Variants in NCOA1 observed in about 807,000 individuals in gnomAD.
The protein encoded by NCOA1 is Hin-2 protein.
A neutral mutation model predicts 150.9 loss-of-function variants in NCOA1; 35 were observed. That is an observed-to-expected ratio of 0.23 (90% CI 0.18 to 0.31). The LOEUF is 0.31. Among genes scored for constraint, NCOA1 ranks in the 10% least tolerant of loss-of-function variants. The pLI, the probability that NCOA1 is intolerant of heterozygous loss-of-function variation, is 1.00. For missense variants in NCOA1, 1,491 were observed against 1,749.3 expected (o/e 0.85, Z 2.63); for synonymous variants, 590 against 630.0 (o/e 0.94, Z 0.95).
intron 3 of NCOA1, among the ~76,000 whole-genome samples, chr2:24,591,316 G>C (rs1372982409): frequency 6.6e-6 from 1 of 152,134 alleles, no homozygotes; most frequent in Non-Finnish European, 1.5e-5. Flanking sequence ...TATGGTTGTA[G>C]TTAAGAAAAA....
At chr2:24,535,656 A>C (rs1190602319) in intron 1 of NCOA1, among the ~76,000 whole-genome samples, 1 of 152,128 alleles carries the variant, frequency 6.6e-6, no homozygotes, top group Non-Finnish European at 1.5e-5. Flanking sequence ...TGGTGACAGA[A>C]TCTCTCAGCA....
intron 11 of NCOA1, among the ~76,000 whole-genome samples, chr2:24,703,839 C>T (rs1175103456): frequency 6.6e-6 from 1 of 152,024 alleles, no homozygotes; most frequent in African/African-American, 2.4e-5. Context: ...GTAATCAAAG[C>T]CCCTTTGAAA....
chr2:24,716,645 G>C (rs1226464467), intron 14 of NCOA1, among the ~76,000 whole-genome samples: 1 of 152,036 alleles, frequency 6.6e-6, no homozygotes, highest in African/African-American at 2.4e-5. Context: ...ATTTTTGATA[G>C]GACACAAAAA....
At chr2:24,494,769 T>C (rs1463793396) in intron 1 of NCOA1, among the ~76,000 whole-genome samples, 1 of 152,168 alleles carries the variant, frequency 6.6e-6, no homozygotes, top group African/African-American at 2.4e-5. Context: ...TGATCTGGGC[T>C]GCAGAACCGT....
At chr2:24,605,489 A>G (rs1668325064) in intron 3 of NCOA1, among the ~76,000 whole-genome samples, 1 of 152,078 alleles carries the variant, frequency 6.6e-6, no homozygotes, top group Non-Finnish European at 1.5e-5. Flanking sequence ...AGTTTGTTCT[A>G]TTGTTGATTG....
chr2:24,532,070 C>A (rs1466537482), intron 1 of NCOA1, among the ~76,000 whole-genome samples: 1 of 152,196 alleles, frequency 6.6e-6, no homozygotes, highest in Non-Finnish European at 1.5e-5. Context: ...TACACTCCCA[C>A]CAACAGTGTA....
chr2:24,678,985 A>C (rs1190328459), intron 7 of NCOA1, among the ~76,000 whole-genome samples: 1 of 152,082 alleles, frequency 6.6e-6, no homozygotes, highest in Non-Finnish European at 1.5e-5. Context: ...TATTGCCTAG[A>C]TATTCTTCTA....
At chr2:24,640,973 C>G (rs1328346127) in intron 3 of NCOA1, among the ~76,000 whole-genome samples, 1 of 151,818 alleles carries the variant, frequency 6.6e-6, no homozygotes. Context: ...CCATTTGCTC[C>G]TTGTTCTTCT....
intron 18 of NCOA1, 99 bp from the exon 19 acceptor site, chr2:24,741,685 C>T (rs2148662738): frequency 5.3e-6 from 7 of 1,324,788 alleles, no homozygotes; most frequent in Non-Finnish European, 7.1e-6. Flanking sequence ...TTGCTATGTA[C>T]TTTATTGCCC....
intron 6 of NCOA1, among the ~76,000 whole-genome samples, chr2:24,668,967 A>G (rs1485548374): frequency 1.3e-5 from 2 of 152,224 alleles, no homozygotes; most frequent in African/African-American, 2.4e-5. Flanking sequence ...GCTCCCTTAT[A>G]AAGTATATTT....
intron 1 of NCOA1, among the ~76,000 whole-genome samples, chr2:24,516,483 T>G (rs1558757878): frequency 6.6e-6 from 1 of 151,146 alleles, no homozygotes; most frequent in Non-Finnish European, 1.5e-5. Context: ...TGAGCCACCG[T>G]GCCCGGCCCG....
At chr2:24,629,571 G>A (rs1669594976) in intron 3 of NCOA1, among the ~76,000 whole-genome samples, 1 of 146,844 alleles carries the variant, frequency 6.8e-6, no homozygotes, top group Admixed American at 6.8e-5. Flanking sequence ...AACAAAAAAA[G>A]GTACCTAAAA....
chr2:24,678,599 T>C (rs1206190962), intron 7 of NCOA1, among the ~76,000 whole-genome samples: 1 of 152,226 alleles, frequency 6.6e-6, no homozygotes, highest in Non-Finnish European at 1.5e-5. Flanking sequence ...CATGAAATGG[T>C]ATCTCATTGT....
At chr2:24,564,559 TTC>T (rs1265387045) in intron 2 of NCOA1, 129 bp downstream of exon 2, 23 of 152,182 alleles carry the variant, frequency 1.5e-4, no homozygotes. Flanking sequence ...TAGAGAAGAG[TTC>T]ACTTCCCTCC....
chr2:24,607,027 A>G (rs1421225884), intron 3 of NCOA1, among the ~76,000 whole-genome samples: 1 of 152,132 alleles, frequency 6.6e-6, no homozygotes, highest in Non-Finnish European at 1.5e-5. Context: ...CACAGCAACT[A>G]CCATAAACTC....
At chr2:24,540,481 G>A (rs140097445) in intron 1 of NCOA1, among the ~76,000 whole-genome samples, 3,160 of 149,296 alleles carry the variant, frequency 0.021, 117 homozygotes, top group African/African-American at 0.072. Flanking sequence ...TTTTTGAGAC[G>A]GAGTTTCGCT....
At chr2:24,694,507 A>G (rs866534503) in intron 10 of NCOA1, among the ~76,000 whole-genome samples, 17 of 152,160 alleles carry the variant, frequency 1.1e-4, no homozygotes, top group Non-Finnish European at 2.4e-4. Flanking sequence ...TTTAGTGCCA[A>G]TAATCTAATA....
At chr2:24,493,301 CTA>C (rs150088277) in intron 1 of NCOA1, among the ~76,000 whole-genome samples, 4,058 of 152,230 alleles carry the variant, frequency 0.027, 58 homozygotes, top group African/African-American at 0.039. Flanking sequence ...TCTTCAGACT[CTA>C]TGCTTTGGGA....
At chr2:24,495,484 G>A (rs1388142008) in intron 1 of NCOA1, among the ~76,000 whole-genome samples, 4 of 152,098 alleles carry the variant, frequency 2.6e-5, no homozygotes, top group Admixed American at 6.5e-5. Context: ...ACCACTCCCC[G>A]AGAGTATGTT....
Sources: allele counts gnomAD v4.1 joint callset (sites outside exome capture counted in the v4.1 genomes callset), GRCh38; gene constraint gnomAD v4.1.1; transcripts MANE v1.5; gene names NCBI Gene and HGNC (gene_info 2026-07-23, HGNC 2026-07-21).